NAB1: variants seen among roughly 807,000 people sequenced by gnomAD.
NAB1 encodes NGFI-A binding protein 1.
Under a neutral mutation model 49.9 loss-of-function variants are expected in NAB1, and 25 were observed. The ratio of observed to expected loss-of-function variants is 0.50; its 90% CI spans 0.37 to 0.70. NAB1 has a LOEUF of 0.70. NAB1 is among the 30% of genes least tolerant of loss of function. The probability of loss-of-function intolerance (pLI) is 0.00; values close to 1 mark genes in which losing one functional copy is unlikely to be tolerated. For synonymous variants in NAB1, 198 were observed against 215.6 expected (o/e 0.92, Z 0.71); for missense variants, 489 against 575.9 (o/e 0.85, Z 1.54).
chr2:190,658,517 T>C (rs911184855), intron 3 of NAB1, among the ~76,000 whole-genome samples: 3 of 152,260 alleles, frequency 2.0e-5, no homozygotes, highest in African/African-American at 4.8e-5. Flanking sequence ...CACTTAGATC[T>C]AAGTGATCAC....
rs183433664 is a variant in NAB1, at chr2:190,672,352, G to A, written c.954-749G>A. ...ATTTTAACAAATCTTTTATATTGAAGTATAACTTGTAGTTGATGGCTTGTC... is the reference window on the plus strand; with the variant it reads ...ATTTTAACAAATCTTTTATATTGAAATATAACTTGTAGTTGATGGCTTGTC... On this transcript the variant is annotated intron_variant, in intron 5 of 9. Transcript: ENST00000337386. Among the ~76,000 whole-genome samples the A allele has an allele frequency of 1.6e-3, 247 of 152,238 alleles. 1 individual carries two copies. The highest frequency in any genetic ancestry group is 2.8e-3 in the Non-Finnish European group (189 of 67,994).
intron 4 of NAB1, among the ~76,000 whole-genome samples, chr2:190,660,634 C>T (rs1694174665): frequency 6.6e-6 from 1 of 152,152 alleles, no homozygotes; most frequent in African/African-American, 2.4e-5. Context: ...TACTCCTTTT[C>T]TTGTCTATCT....
chr2:190,652,908 C>T lies in NAB1; in HGVS notation c.-197+2926C>T, dbSNP rs773590360. Among the ~76,000 whole-genome samples, 4 of 152,196 alleles carry T rather than the reference C, an allele frequency of 2.6e-5. No individual in the cohort carries two copies. The highest frequency in any genetic ancestry group is 5.9e-5 in the Non-Finnish European group (4 of 68,038). Reference sequence around the variant, plus strand: ...AAAATAATTAATTGCATAGAGCAAGCTTGTCCAACCCGAGGCCTGTGGTTG... The same window carrying T: ...AAAATAATTAATTGCATAGAGCAAGTTTGTCCAACCCGAGGCCTGTGGTTG... On this transcript the variant is annotated intron_variant, in intron 2 of 9. Transcript: ENST00000337386. The surrounding 1 kb of genome is among the most constrained non-coding windows in gnomAD (Gnocchi z 4.2).
In NAB1 at chr2:190,690,320, A is replaced by C. The variant is rs1695893438; in HGVS notation, c.1451A>C (p.Glu484Ala). The change falls in exon 10 of 10, where the codon GAA (glutamate) becomes GCA (alanine). Residue 484 changes from glutamate to alanine, a missense_variant. By Grantham distance (107) the Glu-to-Ala change is moderately radical. Around this residue, in one of 4 missense-constraint regions of NAB1, gnomAD observed 212 missense variants for 199.3 expected, o/e 1.06. Coordinates refer to ENST00000337386, the MANE Select transcript of NAB1 (RefSeq NM_005966.4). ...AAGAAAGTCATCAAAACAGAGCCTGAAGATTCAAGATAGCTGTGATTTCTC... is the reference window on the plus strand; with the variant it reads ...AAGAAAGTCATCAAAACAGAGCCTGCAGATTCAAGATAGCTGTGATTTCTC... ...LEKKVIKTEP[E>A]DSR 1 of 1,609,148 alleles carries C rather than the reference A, an allele frequency of 6.2e-7. No individual in the cohort carries two copies. Among genetic ancestry groups the C allele is most frequent in the African/African-American group, 1.3e-5 (1 of 74,790 alleles).
At chr2:190,668,239 TC>T (rs1694623732) in intron 4 of NAB1, among the ~76,000 whole-genome samples, 1 of 152,218 alleles carries the variant, frequency 6.6e-6, no homozygotes, top group African/African-American at 2.4e-5. Context: ...ACCTAACTGG[TC>T]TATTTGTAGG....
At chr2:190,664,790 T>A (rs2125672634) in intron 4 of NAB1, among the ~76,000 whole-genome samples, 2 of 151,928 alleles carry the variant, frequency 1.3e-5, no homozygotes, top group East Asian at 3.9e-4. Context: ...AATCCATGTT[T>A]TATATATATC....
At chr2:190,660,181 T>C (rs1694149705) in intron 4 of NAB1, among the ~76,000 whole-genome samples, 186 bp downstream of exon 4, 1 of 152,246 alleles carries the variant, frequency 6.6e-6, no homozygotes, top group South Asian at 2.1e-4. Context: ...TCAGGGTATA[T>C]TTGTATTGAA....
Position 190,676,412 on chromosome 2 carries a change from CT to C in NAB1, c.1005+3262del, listed in dbSNP as rs1695073532. 6.6e-6 allele frequency among the ~76,000 whole-genome samples: 1 copy of C among 152,132 alleles called. No individual in the cohort carries two copies. The highest frequency in any genetic ancestry group is 1.5e-5 in the Non-Finnish European group (1 of 68,012). Reference sequence around the variant, plus strand: ...TGAGTCTTTCTCTTGTGATTCTCAGCTTGTTATTTTCTATTTAAAGAAAGTA... The same window carrying C: ...TGAGTCTTTCTCTTGTGATTCTCAGCTGTTATTTTCTATTTAAAGAAAGTA... On this transcript the variant is annotated intron_variant, in intron 6 of 9. Coordinates refer to ENST00000337386, the MANE Select transcript of NAB1 (RefSeq NM_005966.4). The surrounding 1 kb of genome is among the most constrained non-coding windows in gnomAD (Gnocchi z 4.6).
At chr2:190,688,119 T>G (rs1695710664) in intron 9 of NAB1, among the ~76,000 whole-genome samples, 1 of 152,224 alleles carries the variant, frequency 6.6e-6, no homozygotes, top group Non-Finnish European at 1.5e-5. Context: ...ATCATTCAAG[T>G]CTTTGAGTTA....
intron 4 of NAB1, among the ~76,000 whole-genome samples, chr2:190,662,204 G>C (rs1694260717): frequency 6.6e-6 from 1 of 151,846 alleles, no homozygotes; most frequent in Non-Finnish European, 1.5e-5. Flanking sequence ...GCTGTATGTA[G>C]GTCACTGGTG....
rs892995885 is a variant in NAB1, at chr2:190,652,454, C to T, written c.-197+2472C>T. Among the ~76,000 whole-genome samples, 6 of 152,134 alleles carry T rather than the reference C, an allele frequency of 3.9e-5. No individual in the cohort carries two copies. The highest frequency in any genetic ancestry group is 8.8e-5 in the Non-Finnish European group (6 of 68,018). On this transcript the variant is annotated intron_variant, in intron 2 of 9. Transcript: ENST00000337386. This position sits in a 1 kb window ranked among gnomAD's most constrained non-coding sequence, Gnocchi z 4.2. The stretch of plus-strand genomic sequence containing the variant: ...GTTACTATAGTTAAATGAATAAATA[C>T]ATAGTTATCATTTAGCAAAATCTGG...
rs1279242633 is a variant in NAB1, at chr2:190,654,733, CA to C, written c.-196-1240del. Among the ~76,000 whole-genome samples, 1 of 151,870 alleles carries C rather than the reference CA, an allele frequency of 6.6e-6. No individual in the cohort carries two copies. On this transcript the variant is annotated intron_variant, in intron 2 of 9. Coordinates refer to ENST00000337386, the MANE Select transcript of NAB1 (RefSeq NM_005966.4). This position sits in a 1 kb window ranked among gnomAD's most constrained non-coding sequence, Gnocchi z 5.6. ...CTATTGAAGGTGAAGGAGCTTTTTT[CA>C]AAATTGGGGCAAGAAGCAATGAACA...
Position 190,691,715 on chromosome 2 carries a change from C to G in NAB1, c.*1382C>G, listed in dbSNP as rs1358664241. 1.3e-5 allele frequency: 2 copies of G among 152,088 alleles called. No homozygotes were observed. Among genetic ancestry groups the G allele is most frequent in the African/African-American group, 4.8e-5 (2 of 41,416 alleles). 9.4% of individuals were successfully genotyped at this position (152,088 alleles called of 1,614,324 possible). A position where few individuals can be genotyped will look rare whatever the true frequency, so the allele number is the denominator to read the frequency against. Reference sequence around the variant, plus strand: ...CCTACTTCCTACAGATGCATCTAAACCCAGATATTACTGAGAAGAGTGTAT... The same window carrying G: ...CCTACTTCCTACAGATGCATCTAAAGCCAGATATTACTGAGAAGAGTGTAT... On this transcript the variant is annotated 3_prime_UTR_variant, in exon 10 of 10. Transcript: ENST00000337386. This position sits in a 1 kb window ranked among gnomAD's most constrained non-coding sequence, Gnocchi z 4.1.
chr2:190,660,950 T>TC (rs1395951054), intron 4 of NAB1, among the ~76,000 whole-genome samples: 2 of 151,880 alleles, frequency 1.3e-5, no homozygotes, highest in Admixed American at 6.6e-5. Flanking sequence ...CTAATTTTTT[T>TC]TTTTTTTTTG....
Position 190,689,399 on chromosome 2 carries a change from C to G in NAB1, c.1376-846C>G, listed in dbSNP as rs916057539. On this transcript the variant is annotated intron_variant, in intron 9 of 9. Coordinates refer to ENST00000337386, the MANE Select transcript of NAB1 (RefSeq NM_005966.4). The surrounding 1 kb of genome is among the most constrained non-coding windows in gnomAD (Gnocchi z 4.3). ...TAGCTACTTTTTTTTACTACTCTTA[C>G]GCGGAACTTAAAATCCCCTTCTGTT... 1.3e-5 allele frequency among the ~76,000 whole-genome samples: 2 copies of G among 152,112 alleles called. No individual in the cohort carries two copies. The highest frequency in any genetic ancestry group is 6.5e-5 in the Admixed American group (1 of 15,276).
At chr2:190,660,256 A>T (rs1694154089) in intron 4 of NAB1, among the ~76,000 whole-genome samples, 1 of 152,266 alleles carries the variant, frequency 6.6e-6, no homozygotes, top group Non-Finnish European at 1.5e-5. Flanking sequence ...TCAGAATTTA[A>T]GCAGTGAAAG....
At chr2:190,671,991 G>A (rs1694838323) in intron 5 of NAB1, among the ~76,000 whole-genome samples, 2 of 151,968 alleles carry the variant, frequency 1.3e-5, no homozygotes, top group South Asian at 4.2e-4. Context: ...GGCCAGGATG[G>A]TCTCGATCTC....
rs1177481639 is a variant in NAB1, at chr2:190,684,856, A to C, written c.1096-620A>C. ...AGATAAATTTATATGTCAGTTGACTAATTGTATATTTAAAATATGCCTTTT... is the reference window on the plus strand; with the variant it reads ...AGATAAATTTATATGTCAGTTGACTCATTGTATATTTAAAATATGCCTTTT... On this transcript the variant is annotated intron_variant, in intron 7 of 9. Transcript: ENST00000337386. The surrounding 1 kb of genome is among the most constrained non-coding windows in gnomAD (Gnocchi z 4.6). Among the ~76,000 whole-genome samples, 2 of 152,242 alleles carry C rather than the reference A, an allele frequency of 1.3e-5. No individual in the cohort carries two copies. Among genetic ancestry groups the C allele is most frequent in the African/African-American group, 4.8e-5 (2 of 41,470 alleles).
Position 190,674,334 on chromosome 2 carries a change from A to G in NAB1, c.1005+1182A>G, listed in dbSNP as rs1317085042. 2.0e-5 allele frequency among the ~76,000 whole-genome samples: 3 copies of G among 152,114 alleles called. No individual in the cohort carries two copies. The highest frequency in any genetic ancestry group is 4.4e-5 in the Non-Finnish European group (3 of 68,010). ...ACATGCCAAACTCATTTATGCCTCAACACTCACTGTTTTCCCCCTACCTAG... is the reference window on the plus strand; with the variant it reads ...ACATGCCAAACTCATTTATGCCTCAGCACTCACTGTTTTCCCCCTACCTAG... On this transcript the variant is annotated intron_variant, in intron 6 of 9. Coordinates refer to ENST00000337386, the MANE Select transcript of NAB1 (RefSeq NM_005966.4). This position sits in a 1 kb window ranked among gnomAD's most constrained non-coding sequence, Gnocchi z 5.7.
Sources: gnomAD v4.1 joint callset for allele counts (sites outside exome capture counted in the v4.1 genomes callset) on GRCh38, gnomAD v4.1.1 for gene constraint, gnomAD v4.1.1 regional missense constraint, Gnocchi (gnomAD v3.1) non-coding constraint, MANE v1.5 for transcripts, NCBI Gene and HGNC (gene_info 2026-07-23, HGNC 2026-07-21) for gene names.